The following GRID2 variants were observed in gnomAD, a reference collection of about 807,000 sequenced individuals.
GRID2 encodes the protein glutamate receptor ionotropic, delta-2.
GRID2 carries 33 observed loss-of-function variants against 114.8 expected under a neutral mutation model. The ratio of observed to expected loss-of-function variants is 0.29; its 90% CI spans 0.22 to 0.38. The LOEUF (loss-of-function observed/expected upper bound fraction) is 0.38. Ranked by LOEUF, GRID2 falls within the 10% of genes least tolerant of loss-of-function variation. The pLI, the probability that GRID2 is intolerant of heterozygous loss-of-function variation, is 1.00. For missense variants in GRID2, 1,184 were observed against 1,257.7 expected, an observed-to-expected ratio of 0.94 and a Z score of 0.89; for synonymous variants, 505 against 449.9, an observed-to-expected ratio of 1.12 and a Z score of -1.55.
intron 4 of GRID2, among the ~76,000 whole-genome samples, chr4:93,152,446 G>C (rs1736820247): frequency 6.6e-6 from 1 of 152,078 alleles, no homozygotes; most frequent in Non-Finnish European, 1.5e-5. Context: ...TCCAGGAAAA[G>C]CATGAGATGA....
At chr4:93,713,903 C>A (rs1008553194) in intron 14 of GRID2, among the ~76,000 whole-genome samples, 2 of 152,014 alleles carry the variant, frequency 1.3e-5, no homozygotes. Flanking sequence ...TGTTGGTATT[C>A]ATATGCTTTT....
intron 4 of GRID2, among the ~76,000 whole-genome samples, chr4:93,118,473 A>G (rs140401446): frequency 1.3e-5 from 2 of 152,332 alleles, no homozygotes; most frequent in East Asian, 3.9e-4. Context: ...GAAAAATATA[A>G]TATGTAATAT....
intron 2 of GRID2, among the ~76,000 whole-genome samples, chr4:92,618,350 T>G (rs1730107302): frequency 6.6e-6 from 1 of 151,752 alleles, no homozygotes; most frequent in Non-Finnish European, 1.5e-5. Context: ...GGTTCTCTTT[T>G]CTGTTTAATT....
At chr4:93,673,987 C>A (rs553297760) in intron 14 of GRID2, among the ~76,000 whole-genome samples, 5 of 151,134 alleles carry the variant, frequency 3.3e-5, no homozygotes, top group Non-Finnish European at 5.9e-5. Context: ...CTTTTTTTTT[C>A]AGACTCATGA....
At chr4:93,524,936 C>CTGTTGACA in intron 13 of GRID2, among the ~76,000 whole-genome samples, 1 of 150,698 alleles carries the variant, frequency 6.6e-6, no homozygotes, top group Non-Finnish European at 1.5e-5. Context: ...TACCAACCTG[C>CTGTTGACA]TGTTGACAGA....
At chr4:93,205,257 G>A (rs1382424751) in intron 4 of GRID2, among the ~76,000 whole-genome samples, 1 of 151,366 alleles carries the variant, frequency 6.6e-6, no homozygotes, top group Non-Finnish European at 1.5e-5. Context: ...AACTGCCATA[G>A]GTTATGTTTT....
At position 93,365,220 on chromosome 4, in the gene GRID2, G is replaced by C. The variant is rs140957338; in HGVS notation, c.1246-30387G>C. On this transcript the variant is annotated intron_variant, in intron 8 of 15. Transcript: ENST00000282020. ...TTCTGATTTGTTTAGGGTGCAATGA[G>C]TTTTTGTGTTTGTTTATGTTTCTAT... Among the ~76,000 whole-genome samples the C allele has an allele frequency of 3.9e-5, 6 of 152,216 alleles. No individual in the cohort carries two copies. The East Asian group carries it at 1.2e-3, about 29-fold the overall frequency.
chr4:93,449,209 G>C (rs1199126761), intron 10 of GRID2, among the ~76,000 whole-genome samples: 1 of 151,914 alleles, frequency 6.6e-6, no homozygotes, highest in Non-Finnish European at 1.5e-5. Context: ...AGTTTAGTAA[G>C]TTAGATAGGC....
At chr4:92,951,918 T>A (rs1752070756) in intron 2 of GRID2, among the ~76,000 whole-genome samples, 1 of 152,208 alleles carries the variant, frequency 6.6e-6, no homozygotes, top group African/African-American at 2.4e-5. Context: ...CTGTGTATTA[T>A]TTCATTACAT....
At chr4:93,375,665 T>C (rs912397395) in intron 8 of GRID2, among the ~76,000 whole-genome samples, 1 of 152,204 alleles carries the variant, frequency 6.6e-6, no homozygotes, top group Non-Finnish European at 1.5e-5. Context: ...GTTTAAAACA[T>C]GAGTTACACC....
chr4:93,104,414 G>C (rs1022830891), intron 3 of GRID2, among the ~76,000 whole-genome samples: 2 of 151,820 alleles, frequency 1.3e-5, no homozygotes, highest in African/African-American at 2.4e-5. Context: ...CCATTAACTC[G>C]TCATTTAGCA....
At position 93,513,241 on chromosome 4, in the gene GRID2, T is replaced by C. The variant is rs146771601; in HGVS notation, c.1998-1975T>C. Reference sequence around the variant, plus strand: ...ATAGAAACTGAACAAACGAGTATTGTTGTTATAACCTGTGTAGATATATTC... The same window carrying C: ...ATAGAAACTGAACAAACGAGTATTGCTGTTATAACCTGTGTAGATATATTC... On this transcript the variant is annotated intron_variant, in intron 12 of 15. Coordinates refer to ENST00000282020, the MANE Select transcript of GRID2 (RefSeq NM_001510.4). Among the ~76,000 whole-genome samples, 252 of 152,322 alleles carry C rather than the reference T, an allele frequency of 1.7e-3. 3 individuals are homozygous for C. The highest frequency in any genetic ancestry group is 5.8e-3 in the African/African-American group (240 of 41,584).
At chr4:92,761,255 T>C (rs1157768013) in intron 2 of GRID2, among the ~76,000 whole-genome samples, 4 of 152,168 alleles carry the variant, frequency 2.6e-5, no homozygotes, top group African/African-American at 9.6e-5. Flanking sequence ...TATATTTCTC[T>C]AGTTTGTTTT....
chr4:92,544,481 A>G (rs1002832540), intron 1 of GRID2, among the ~76,000 whole-genome samples: 2 of 152,158 alleles, frequency 1.3e-5, no homozygotes, highest in Admixed American at 6.6e-5. Flanking sequence ...ATACTCAAGT[A>G]TACATCATTT....
intron 1 of GRID2, among the ~76,000 whole-genome samples, chr4:92,441,361 G>T (rs994295963): frequency 1.2e-4 from 19 of 152,206 alleles, no homozygotes; most frequent in East Asian, 3.9e-4. Context: ...GGTAATTTGT[G>T]GAGCTTGATG....
At chr4:92,632,218 ATTATCACTT>A (rs1730842592) in intron 2 of GRID2, among the ~76,000 whole-genome samples, 6 of 152,152 alleles carry the variant, frequency 3.9e-5, no homozygotes, top group Admixed American at 3.9e-4. Flanking sequence ...GAATTAGACT[ATTATCACTT>A]TTATCACATA....
chr4:92,897,502 T>C (rs1747259806), intron 2 of GRID2, among the ~76,000 whole-genome samples: 1 of 152,198 alleles, frequency 6.6e-6, no homozygotes, highest in Non-Finnish European at 1.5e-5. Flanking sequence ...TTTGTCACTC[T>C]ACTTTCTTTC....
chr4:93,108,117 A>G (rs1281241420), intron 3 of GRID2, among the ~76,000 whole-genome samples: 2 of 152,050 alleles, frequency 1.3e-5, no homozygotes, highest in African/African-American at 4.8e-5. Flanking sequence ...TTGCTTGGAT[A>G]ATGTCTTCTT....
At chr4:93,369,703 G>T (rs894772983) in intron 8 of GRID2, among the ~76,000 whole-genome samples, 1 of 152,034 alleles carries the variant, frequency 6.6e-6, no homozygotes, top group African/African-American at 2.4e-5. Flanking sequence ...TGACCAGGCT[G>T]GTCTAAAACT....
Sources: allele counts gnomAD v4.1 joint callset (sites outside exome capture counted in the v4.1 genomes callset), GRCh38; gene constraint gnomAD v4.1.1; transcripts MANE v1.5; gene names NCBI Gene and HGNC (gene_info 2026-07-23, HGNC 2026-07-21).